GALNT13: variants seen among roughly 807,000 people sequenced by gnomAD.
GALNT13 encodes polypeptide N-acetylgalactosaminyltransferase 13, also known as UDP-GalNAc:polypeptide N-acetylgalactosaminyltransferase 13.
A neutral mutation model predicts 64.2 loss-of-function variants in GALNT13; 28 were observed. The observed-to-expected ratio is 0.44, with a 90% CI of 0.32 to 0.60. GALNT13 has a LOEUF of 0.60. Ranked by LOEUF, GALNT13 falls within the 20% of genes least tolerant of loss-of-function variation. The pLI is 0.05. For synonymous variants in GALNT13, 214 were observed against 224.6 expected, an observed-to-expected ratio of 0.95 and a Z score of 0.42; for missense variants, 577 against 669.8, an observed-to-expected ratio of 0.86 and a Z score of 1.53.
At chr2:153,320,861 T>A in the GALNT13 span, among the ~76,000 whole-genome samples, 2 of 152,228 alleles carry the variant, frequency 1.3e-5, no homozygotes, top group African/African-American at 4.8e-5. Flanking sequence ...TTGCAGATAT[T>A]TCTAATCTTC....
chr2:153,877,163 A>G (rs545208240), intron 1 of GALNT13, among the ~76,000 whole-genome samples: 4 of 152,162 alleles, frequency 2.6e-5, no homozygotes, highest in African/African-American at 9.6e-5. Flanking sequence ...ATTAAATACA[A>G]TGTCCATAAT....
chr2:153,583,541 T>A, the GALNT13 span, among the ~76,000 whole-genome samples: 1 of 152,176 alleles, frequency 6.6e-6, no homozygotes, highest in Non-Finnish European at 1.5e-5. Flanking sequence ...ATTCCCAATA[T>A]GGGAGAGGGT....
At chr2:154,124,581 C>T (rs1682146131) in intron 3 of GALNT13, among the ~76,000 whole-genome samples, 1 of 151,752 alleles carries the variant, frequency 6.6e-6, no homozygotes, top group African/African-American at 2.4e-5. Flanking sequence ...CAAGAAAAGT[C>T]ATGGAATTAG....
At chr2:153,924,247 T>C (rs1642432095) in intron 2 of GALNT13, among the ~76,000 whole-genome samples, 1 of 148,404 alleles carries the variant, frequency 6.7e-6, no homozygotes, top group South Asian at 2.3e-4. Context: ...GTGTATCTTG[T>C]TTGCCCCCAT....
At chr2:154,360,626 G>A (rs966828692) in intron 9 of GALNT13, among the ~76,000 whole-genome samples, 14 of 152,122 alleles carry the variant, frequency 9.2e-5, no homozygotes, top group African/African-American at 3.4e-4. Flanking sequence ...ATACAAATTT[G>A]CAACGTGTAC....
the GALNT13 span, among the ~76,000 whole-genome samples, chr2:153,400,472 G>A: frequency 7.2e-5 from 11 of 152,216 alleles, no homozygotes; most frequent in Non-Finnish European, 1.5e-4. Flanking sequence ...CTCTTTTTCT[G>A]TTGATTGGAA....
chr2:154,086,649 T>C (rs1701542730), intron 3 of GALNT13, among the ~76,000 whole-genome samples: 1 of 152,014 alleles, frequency 6.6e-6, no homozygotes, highest in Non-Finnish European at 1.5e-5. Context: ...ATTTTGGTGA[T>C]ACTTTAAATC....
At chr2:153,348,411 A>G in the GALNT13 span, among the ~76,000 whole-genome samples, 2 of 152,204 alleles carry the variant, frequency 1.3e-5, no homozygotes, top group Non-Finnish European at 2.9e-5. Context: ...ATTCTAAGGT[A>G]TACTTTGTGA....
chr2:153,284,799 T>C, the GALNT13 span, among the ~76,000 whole-genome samples: 1 of 152,118 alleles, frequency 6.6e-6, no homozygotes, highest in Admixed American at 6.5e-5. Flanking sequence ...CCTGCTTTCC[T>C]TCTTAAAGCT....
At chr2:154,327,117 A>C (rs1274401174) in intron 9 of GALNT13, among the ~76,000 whole-genome samples, 1 of 151,826 alleles carries the variant, frequency 6.6e-6, no homozygotes, top group South Asian at 2.1e-4. Flanking sequence ...TGTTCTCACT[A>C]TCACTATCCC....
the GALNT13 span, among the ~76,000 whole-genome samples, chr2:153,594,195 T>G: frequency 2.6e-5 from 4 of 152,166 alleles, no homozygotes; most frequent in Non-Finnish European, 5.9e-5. Context: ...CATGCTCTCT[T>G]ATATACACAG....
chr2:154,308,396 A>G (rs1476806790), intron 9 of GALNT13, among the ~76,000 whole-genome samples: 3 of 152,152 alleles, frequency 2.0e-5, no homozygotes, highest in East Asian at 1.9e-4. Context: ...TGAAATTTCT[A>G]TCTATGAAAT....
At chr2:153,765,597 T>C in the GALNT13 span, among the ~76,000 whole-genome samples, 2 of 152,132 alleles carry the variant, frequency 1.3e-5, no homozygotes, top group African/African-American at 4.8e-5. Flanking sequence ...CTGTGGACTT[T>C]TGAGTTAGTG....
the GALNT13 span, among the ~76,000 whole-genome samples, chr2:153,806,711 A>G: frequency 1.3e-5 from 2 of 151,856 alleles, no homozygotes; most frequent in African/African-American, 4.8e-5. Context: ...GCAGAGGAAC[A>G]TACAAAGCTT....
intron 3 of GALNT13, among the ~76,000 whole-genome samples, chr2:154,037,325 T>C (rs898281405): frequency 6.6e-6 from 1 of 152,164 alleles, no homozygotes; most frequent in Non-Finnish European, 1.5e-5. Context: ...ACAATTGTTA[T>C]AGCATTTCAA....
At chr2:153,404,939 C>T in the GALNT13 span, among the ~76,000 whole-genome samples, 2,964 of 152,106 alleles carry the variant, frequency 0.019, 40 homozygotes, top group Non-Finnish European at 0.031. Context: ...GATAGGCTTC[C>T]GGGCAAAGCC....
intron 3 of GALNT13, among the ~76,000 whole-genome samples, chr2:154,124,526 T>G (rs190599414): frequency 6.6e-6 from 1 of 152,122 alleles, no homozygotes; most frequent in African/African-American, 2.4e-5. Flanking sequence ...TTAGATGAGA[T>G]ATTTTGATTT....
intron 9 of GALNT13, among the ~76,000 whole-genome samples, chr2:154,347,633 T>G (rs2105243890): frequency 6.6e-6 from 1 of 152,128 alleles, no homozygotes; most frequent in Non-Finnish European, 1.5e-5. Flanking sequence ...AGAAGGAAAA[T>G]GTTTGGTCTT....
At chr2:154,148,274 C>T (rs1574601634) in intron 4 of GALNT13, among the ~76,000 whole-genome samples, 1 of 151,750 alleles carries the variant, frequency 6.6e-6, no homozygotes, top group South Asian at 2.1e-4. Flanking sequence ...TTTATGGCTG[C>T]ATAGTATTCC....
Sources: allele counts gnomAD v4.1 joint callset (sites outside exome capture counted in the v4.1 genomes callset), GRCh38; gene constraint gnomAD v4.1.1; transcripts MANE v1.5; gene names NCBI Gene and HGNC (gene_info 2026-07-23, HGNC 2026-07-21).